ABL1: variants seen among roughly 807,000 people sequenced by gnomAD.
The protein encoded by ABL1 is ABL proto-oncogene 1, non-receptor tyrosine kinase.
ABL1 carries 11 observed loss-of-function variants against 94.7 expected under a neutral mutation model. That is an observed-to-expected ratio of 0.12 (90% CI 0.07 to 0.19). The LOEUF is 0.19. Ranked by LOEUF, ABL1 falls within the 10% of genes least tolerant of loss-of-function variation. The probability of loss-of-function intolerance (pLI) is 1.00; values close to 1 mark genes in which losing one functional copy is unlikely to be tolerated. For synonymous variants in ABL1, 656 were observed against 622.4 expected, an observed-to-expected ratio of 1.05 and a Z score of -0.80; for missense variants, 1,082 against 1,489.4, an observed-to-expected ratio of 0.73 and a Z score of 4.50.
Position 130,880,647 on chromosome 9 carries a change from A to G in ABL1, c.1661A>G (p.Lys554Arg). 6.2e-7 allele frequency: 1 copy of G among 1,613,410 alleles called. No individual in the cohort carries two copies. The highest frequency in any genetic ancestry group is 8.5e-7 in the Non-Finnish European group (1 of 1,179,794). The stretch of plus-strand genomic sequence containing the variant: ...GACGTGCCTGAGATGCCTCACTCCA[A>G]GGGCCAGGGAGAGAGCGGTAAGTCC... ...TTDVPEMPHS[K>R]GQGESDPLDH... The change falls in exon 10 of 11, where the codon AAG (lysine) becomes AGG (arginine). Residue 554 changes from lysine to arginine, a missense_variant. Transcript: ENST00000318560. The surrounding 1 kb of genome is among the most constrained non-coding windows in gnomAD (Gnocchi z 4.4).
chr9:130,773,831 A>G (rs1832281931), intron 1 of ABL1, among the ~76,000 whole-genome samples: 1 of 152,114 alleles, frequency 6.6e-6, no homozygotes, highest in Non-Finnish European at 1.5e-5. Context: ...CTGCACATAT[A>G]TAAAGTATAC....
intron 1 of ABL1, among the ~76,000 whole-genome samples, chr9:130,840,072 G>C (rs11244157): frequency 6.6e-6 from 1 of 152,296 alleles, no homozygotes; most frequent in East Asian, 1.9e-4. Flanking sequence ...CACAGAACAA[G>C]AGCCTAGCAG....
At chr9:130,722,733 A>C (rs1473423054) in intron 1 of ABL1, among the ~76,000 whole-genome samples, 3 of 152,206 alleles carry the variant, frequency 2.0e-5, no homozygotes, top group Admixed American at 6.6e-5. Context: ...ATTTTTCATG[A>C]AACCTTACTA....
chr9:130,858,971 G>C (rs139393409), intron 3 of ABL1, among the ~76,000 whole-genome samples: 1 of 152,134 alleles, frequency 6.6e-6, no homozygotes, highest in Non-Finnish European at 1.5e-5. Context: ...GGAGTTATGA[G>C]CTGGACTCTT....
In ABL1 at chr9:130,884,830, C is replaced by T. The variant is rs1310878283; in HGVS notation, c.2540C>T (p.Ala847Val). Residue 847 changes from alanine to valine, a missense_variant, in exon 11 of 11, where the codon GCA becomes GTA. Transcript: ENST00000318560. The surrounding 1 kb of genome is among the most constrained non-coding windows in gnomAD (Gnocchi z 5.6). Reference protein sequence around the residue: ...GKGSALGTPAAAEPVTPTSKA... With the variant: ...GKGSALGTPAVAEPVTPTSKA... The stretch of plus-strand genomic sequence containing the variant: ...GGCAGTGCCTTAGGGACCCCTGCTG[C>T]AGCTGAGCCAGTGACCCCCACCAGC... The T allele has an allele frequency of 1.2e-6, 2 of 1,604,168 alleles. No homozygotes were observed. The highest frequency in any genetic ancestry group is 1.1e-5 in the South Asian group (1 of 90,406).
chr9:130,822,057 C>T (rs1452058350), intron 1 of ABL1, among the ~76,000 whole-genome samples: 3 of 152,160 alleles, frequency 2.0e-5, no homozygotes, highest in African/African-American at 7.2e-5. Flanking sequence ...CCGGGATGCT[C>T]TCACTCTCCT....
chr9:130,808,774 A>T (rs183849145), intron 1 of ABL1, among the ~76,000 whole-genome samples: 6 of 152,348 alleles, frequency 3.9e-5, no homozygotes, highest in Admixed American at 3.9e-4. Flanking sequence ...CTTATCTAAC[A>T]GGTCAAAACT....
intron 1 of ABL1, among the ~76,000 whole-genome samples, chr9:130,726,742 G>A (rs1831591729): frequency 1.3e-5 from 2 of 152,126 alleles, no homozygotes; most frequent in South Asian, 2.1e-4. Flanking sequence ...CTGAAGTGCT[G>A]GGATTATAGG....
chr9:130,736,051 G>A (rs1193133300), intron 1 of ABL1, among the ~76,000 whole-genome samples: 1 of 149,780 alleles, frequency 6.7e-6, no homozygotes, highest in East Asian at 2.0e-4. Flanking sequence ...AGTCCTCGGG[G>A]CTCAAGTGAT....
rs547083737 is a variant in ABL1 at position 130,835,394 on chromosome 9, C to G, written c.-53C>G. On this transcript the variant is annotated 5_prime_UTR_variant, in exon 1 of 11. Transcript: ENST00000318560. The surrounding 1 kb of genome is among the most constrained non-coding windows in gnomAD (Gnocchi z 4.6). The stretch of plus-strand genomic sequence containing the variant: ...GGCCGAGCCGGGCCTGAGCCGGGCC[C>G]GCGGACCGAGCTGGGAGAGGGGTTC... 296 of 1,354,500 alleles carry G rather than the reference C, an allele frequency of 2.2e-4. 1 individual carries two copies. In the African/African-American group the frequency reaches 4.2e-3, roughly 19 times the overall value. The allele number at this position is 1,354,500 out of a possible 1,614,324, so 83.9% of individuals were successfully genotyped here.
At chr9:130,843,915 T>C (rs1468668883) in intron 1 of ABL1, among the ~76,000 whole-genome samples, 1 of 151,946 alleles carries the variant, frequency 6.6e-6, no homozygotes, top group Non-Finnish European at 1.5e-5. Context: ...AGCTCAGACT[T>C]TTACTATAGT....
chr9:130,764,447 C>G (rs892576631), intron 1 of ABL1, among the ~76,000 whole-genome samples: 2 of 152,180 alleles, frequency 1.3e-5, no homozygotes, highest in Non-Finnish European at 2.9e-5. Flanking sequence ...CATTGGGGGA[C>G]TGTGCTTTGT....
chr9:130,738,664 A>G (rs1453107003), intron 1 of ABL1, among the ~76,000 whole-genome samples: 1 of 152,090 alleles, frequency 6.6e-6, no homozygotes, highest in Non-Finnish European at 1.5e-5. Context: ...GTGGAACTTA[A>G]CTCTTGTTTA....
intron 1 of ABL1, among the ~76,000 whole-genome samples, chr9:130,813,483 C>T: frequency 6.7e-6 from 1 of 148,408 alleles, no homozygotes. Context: ...ATCACTTGAA[C>T]CCGGGAGGAT....
chr9:130,819,195 T>C (rs1588251912), intron 1 of ABL1, among the ~76,000 whole-genome samples: 2 of 152,022 alleles, frequency 1.3e-5, no homozygotes, highest in East Asian at 3.9e-4. Context: ...CTATTAAAAA[T>C]ACAAAAATTA....
chr9:130,781,733 G>A (rs1829758618), intron 1 of ABL1, among the ~76,000 whole-genome samples: 1 of 151,906 alleles, frequency 6.6e-6, no homozygotes, highest in Admixed American at 6.6e-5. Context: ...GGCTTATTTT[G>A]AGATTAGATA....
chr9:130,854,330 A>G, intron 2 of ABL1, 93 bp downstream of exon 2: 1 of 1,432,552 alleles, frequency 7.0e-7, no homozygotes, highest in Non-Finnish European at 9.5e-7. Flanking sequence ...TTAAAGGAGC[A>G]GCTTTGAAAT....
chr9:130,841,843 T>C (rs1830677247), intron 1 of ABL1, among the ~76,000 whole-genome samples: 1 of 152,002 alleles, frequency 6.6e-6, no homozygotes. Context: ...AATCCTTCTT[T>C]CTTTACCATG....
intron 1 of ABL1, among the ~76,000 whole-genome samples, chr9:130,762,165 A>C (rs1832124700): frequency 7.2e-6 from 1 of 138,818 alleles, no homozygotes; most frequent in African/African-American, 2.8e-5. Context: ...AAAAATTCAC[A>C]AGTACAGAAA....
Sources: gnomAD v4.1 joint callset for allele counts (sites outside exome capture counted in the v4.1 genomes callset) on GRCh38, gnomAD v4.1.1 for gene constraint, Gnocchi (gnomAD v3.1) non-coding constraint, MANE v1.5 for transcripts, NCBI Gene and HGNC (gene_info 2026-07-23, HGNC 2026-07-21) for gene names.